FRMPD4: variants seen among roughly 807,000 people sequenced by gnomAD.
FRMPD4 encodes FERM and PDZ domain containing 4, also known as FERM and PDZ domain-containing protein 4.
FRMPD4 carries 22 observed loss-of-function variants against 94.1 expected under a neutral mutation model. That is an observed-to-expected ratio of 0.23 (90% CI 0.17 to 0.33). FRMPD4 has a LOEUF of 0.33. Ranked by LOEUF, FRMPD4 falls within the 10% of genes least tolerant of loss-of-function variation. The pLI, the probability that FRMPD4 is intolerant of heterozygous loss-of-function variation, is 1.00. For synonymous variants in FRMPD4, 631 were observed against 548.6 expected (o/e 1.15, Z -2.10); for missense variants, 1,111 against 1,339.9 (o/e 0.83, Z 2.67).
chrX:11,969,957 T>C (rs1369309873), intron 3 of FRMPD4, among the ~76,000 whole-genome samples: 1 of 111,220 alleles, frequency 9.0e-6, no homozygotes, highest in Admixed American at 9.6e-5. Flanking sequence ...TTATAAGCCA[T>C]TGTGAGTAGA....
intron 1 of FRMPD4, among the ~76,000 whole-genome samples, chrX:12,490,818 A>G (rs1004613546): frequency 1.8e-5 from 2 of 111,496 alleles, no homozygotes; most frequent in South Asian, 7.6e-4. Context: ...CAGGTTGTAC[A>G]TATTTCTGCA....
At chrX:12,512,388 C>A (rs923798754) in intron 2 of FRMPD4, among the ~76,000 whole-genome samples, 11 of 112,089 alleles carry the variant, frequency 9.8e-5, no homozygotes, top group Admixed American at 8.4e-4. Context: ...CAACCCCCAA[C>A]TACAGGCCCC....
intron 1 of FRMPD4, among the ~76,000 whole-genome samples, chrX:12,147,080 C>T (rs1773060305): frequency 8.9e-6 from 1 of 112,408 alleles, no homozygotes; most frequent in Non-Finnish European, 1.9e-5. Flanking sequence ...CACTGTGTAC[C>T]CTATCTGTGC....
intron 3 of FRMPD4, among the ~76,000 whole-genome samples, chrX:11,993,243 G>T (rs1489248236): frequency 9.1e-6 from 1 of 110,435 alleles, no homozygotes; most frequent in Non-Finnish European, 1.9e-5. Context: ...AGAAGGTATG[G>T]GTACCCTCCC....
intron 1 of FRMPD4, among the ~76,000 whole-genome samples, chrX:12,225,284 A>T: frequency 8.9e-6 from 1 of 112,015 alleles, no homozygotes; most frequent in East Asian, 2.8e-4. Flanking sequence ...CTTTTTTATT[A>T]ACAGTAAGGT....
chrX:11,877,399 C>T (rs2053791301), intron 2 of FRMPD4, among the ~76,000 whole-genome samples: 1 of 111,403 alleles, frequency 9.0e-6, no homozygotes, highest in Non-Finnish European at 1.9e-5. Context: ...GGAGCAAATA[C>T]ACATTTTTCA....
intron 1 of FRMPD4, among the ~76,000 whole-genome samples, chrX:12,447,020 T>C (rs1280578965): frequency 9.0e-6 from 1 of 111,344 alleles, no homozygotes; most frequent in Non-Finnish European, 1.9e-5. Context: ...AGGAATGCAA[T>C]GTGGACCTTT....
chrX:12,619,169 C>T (rs895551025), intron 4 of FRMPD4, among the ~76,000 whole-genome samples: 2 of 111,665 alleles, frequency 1.8e-5, no homozygotes, highest in Non-Finnish European at 3.8e-5. Context: ...GTTGATTATT[C>T]CTACTAATCT....
chrX:12,449,945 C>T (rs759052599), intron 1 of FRMPD4, among the ~76,000 whole-genome samples: 5 of 109,317 alleles, frequency 4.6e-5, no homozygotes, highest in Non-Finnish European at 7.6e-5. Flanking sequence ...GCCATGTTTG[C>T]GCCACTGCAC....
At chrX:12,427,477 A>C (rs1006541228) in intron 1 of FRMPD4, among the ~76,000 whole-genome samples, 48 of 111,545 alleles carry the variant, frequency 4.3e-4, no homozygotes, top group African/African-American at 1.4e-3. Flanking sequence ...ACAAGCTAGG[A>C]GAACAGGACA....
chrX:12,258,566 C>G (rs750963067), intron 1 of FRMPD4, among the ~76,000 whole-genome samples: 3 of 111,404 alleles, frequency 2.7e-5, no homozygotes, highest in Non-Finnish European at 3.8e-5. Flanking sequence ...TAGAGCAGAT[C>G]AAAGTGAACT....
chrX:12,450,055 T>G (rs1441985487), intron 1 of FRMPD4, among the ~76,000 whole-genome samples: 1 of 110,104 alleles, frequency 9.1e-6, no homozygotes, highest in Non-Finnish European at 1.9e-5. Flanking sequence ...TTTATTCCTG[T>G]GAAGAGATTT....
intron 1 of FRMPD4, among the ~76,000 whole-genome samples, chrX:11,829,733 C>A (rs951492839): frequency 3.6e-5 from 4 of 111,846 alleles, no homozygotes; most frequent in Non-Finnish European, 7.5e-5. Context: ...GATAACTGAG[C>A]ATTCTAGGGT....
chrX:12,015,624 G>A (rs1167117921), intron 3 of FRMPD4, among the ~76,000 whole-genome samples: 1 of 112,250 alleles, frequency 8.9e-6, no homozygotes. Flanking sequence ...CTAGTCTCCT[G>A]TGCATTTATG....
intron 14 of FRMPD4, among the ~76,000 whole-genome samples, chrX:12,715,096 T>C (rs1427164163): frequency 2.7e-5 from 3 of 111,781 alleles, no homozygotes; most frequent in East Asian, 2.8e-4. Flanking sequence ...GAGAATAGTA[T>C]GGCCCTAAAA....
chrX:11,841,595 T>G (rs1177786907), intron 1 of FRMPD4, among the ~76,000 whole-genome samples: 5 of 111,267 alleles, frequency 4.5e-5, no homozygotes, highest in Non-Finnish European at 9.4e-5. Flanking sequence ...GATGGGGTTG[T>G]TTGTTTTTTG....
At chrX:12,243,664 C>T (rs2053910319) in intron 1 of FRMPD4, among the ~76,000 whole-genome samples, 1 of 106,989 alleles carries the variant, frequency 9.3e-6, no homozygotes, top group Non-Finnish European at 1.9e-5. Context: ...TTTTTTTTTT[C>T]CATGGAAGTT....
At chrX:12,459,461 C>T (rs756795427) in intron 1 of FRMPD4, among the ~76,000 whole-genome samples, 2 of 111,394 alleles carry the variant, frequency 1.8e-5, no homozygotes, top group African/African-American at 3.3e-5. Context: ...AAGTCCCTTA[C>T]GGTCAATCTG....
intron 3 of FRMPD4, among the ~76,000 whole-genome samples, chrX:12,123,673 G>A (rs2055475744): frequency 9.0e-6 from 1 of 111,462 alleles, no homozygotes; most frequent in South Asian, 3.8e-4. Context: ...TATATTGTTG[G>A]GCATTTCATA....
Sources: allele counts gnomAD v4.1 joint callset (sites outside exome capture counted in the v4.1 genomes callset), GRCh38; gene constraint gnomAD v4.1.1; transcripts MANE v1.5; gene names NCBI Gene and HGNC (gene_info 2026-07-23, HGNC 2026-07-21).